GTF3C5: variants seen among roughly 807,000 people sequenced by gnomAD.
GTF3C5 encodes the protein general transcription factor IIIC subunit 5.
GTF3C5 carries 47 observed loss-of-function variants against 61.0 expected under a neutral mutation model. That is an observed-to-expected ratio of 0.77 (90% confidence interval 0.61 to 0.98). The LOEUF (loss-of-function observed/expected upper bound fraction) is 0.98. Ranked by LOEUF, GTF3C5 falls within the 50% of genes least tolerant of loss-of-function variation. The pLI is 0.00. For synonymous variants in GTF3C5, 295 were observed against 275.4 expected (o/e 1.07, Z -0.71); for missense variants, 659 against 703.3 (o/e 0.94, Z 0.71).
At chr9:133,033,892 G>GT (rs998296577) in intron 1 of GTF3C5, among the ~76,000 whole-genome samples, 4 of 152,126 alleles carry the variant, frequency 2.6e-5, no homozygotes, top group Non-Finnish European at 5.9e-5. Context: ...TGGCTGGGTC[G>GT]TTGTGGAGAC....
At chr9:133,034,226 G>A (rs1422804257) in intron 1 of GTF3C5, among the ~76,000 whole-genome samples, 1 of 152,190 alleles carries the variant, frequency 6.6e-6, no homozygotes, top group Non-Finnish European at 1.5e-5. Context: ...AAGGAGGGGG[G>A]TTGGCTGTCC....
At chr9:133,040,896 T>C (rs1358569392) in intron 1 of GTF3C5, among the ~76,000 whole-genome samples, 2 of 152,254 alleles carry the variant, frequency 1.3e-5, no homozygotes, top group Non-Finnish European at 2.9e-5. Flanking sequence ...CATGATTATA[T>C]ATGAATATCA....
intron 3 of GTF3C5, among the ~76,000 whole-genome samples, chr9:133,046,151 C>T (rs1271190955): frequency 6.6e-6 from 1 of 152,064 alleles, no homozygotes; most frequent in Non-Finnish European, 1.5e-5. Context: ...TATAGCAAGA[C>T]TCTGTCTCTA....
chr9:133,057,445 G>A (rs2079218744), intron 10 of GTF3C5, among the ~76,000 whole-genome samples: 1 of 152,194 alleles, frequency 6.6e-6, no homozygotes, highest in Non-Finnish European at 1.5e-5. Flanking sequence ...AGGCATCCTG[G>A]ACCCAGCCAC....
chr9:133,045,544 T>TG (rs766902043), intron 3 of GTF3C5, among the ~76,000 whole-genome samples: 4 of 152,318 alleles, frequency 2.6e-5, no homozygotes, highest in Non-Finnish European at 4.4e-5. Flanking sequence ...GAGCCTGGCC[T>TG]GTGAGAGGTA....
chr9:133,055,311 C>T (rs1006851197), intron 8 of GTF3C5: 3 of 1,384,464 alleles, frequency 2.2e-6, no homozygotes, highest in Non-Finnish European at 1.9e-6. Flanking sequence ...CTGGGGGAGG[C>T]CGAGAAGGGG....
chr9:133,056,269 G>A (rs936745751), intron 9 of GTF3C5, among the ~76,000 whole-genome samples, 175 bp downstream of exon 9: 3 of 152,300 alleles, frequency 2.0e-5, no homozygotes. Flanking sequence ...CGTAGAGGCG[G>A]TGCCCTATAG....
chr9:133,031,311 C>G, intron 1 of GTF3C5, 147 bp downstream of exon 1: 1 of 646,738 alleles, frequency 1.5e-6, no homozygotes, highest in Non-Finnish European at 2.6e-6. Flanking sequence ...GCAAGAGAGC[C>G]AACAGAACAA....
At chr9:133,041,892 AT>A (rs2118992465) in intron 1 of GTF3C5, among the ~76,000 whole-genome samples, 194 bp from the exon 2 acceptor site, 1 of 152,262 alleles carries the variant, frequency 6.6e-6, no homozygotes, top group East Asian at 1.9e-4. Context: ...GACGATTCTC[AT>A]TTTTTCCACC....
At chr9:133,032,717 T>TA (rs1849765012) in intron 1 of GTF3C5, among the ~76,000 whole-genome samples, 1 of 152,178 alleles carries the variant, frequency 6.6e-6, no homozygotes, top group African/African-American at 2.4e-5. Flanking sequence ...CAGGGTATGA[T>TA]ACAACATCCT....
At chr9:133,040,140 T>C (rs1849994991) in intron 1 of GTF3C5, among the ~76,000 whole-genome samples, 1 of 152,206 alleles carries the variant, frequency 6.6e-6, no homozygotes, top group Non-Finnish European at 1.5e-5. Flanking sequence ...TCATTCACTC[T>C]TCTCATGTTT....
At chr9:133,039,309 A>G (rs938219890) in intron 1 of GTF3C5, among the ~76,000 whole-genome samples, 3 of 152,024 alleles carry the variant, frequency 2.0e-5, no homozygotes, top group Admixed American at 1.3e-4. Context: ...AGAAAAAAGG[A>G]AAAAAAAATT....
intron 1 of GTF3C5, among the ~76,000 whole-genome samples, chr9:133,038,353 C>G (rs55776231): frequency 0.063 from 9,545 of 151,898 alleles, 460 homozygotes; most frequent in African/African-American, 0.14. Context: ...ACTCTGGGTG[C>G]CCAATGGGCA....
chr9:133,041,671 A>G (rs543007799), intron 1 of GTF3C5, among the ~76,000 whole-genome samples: 22 of 152,194 alleles, frequency 1.4e-4, no homozygotes, highest in African/African-American at 5.3e-4. Context: ...CCCCGGGCCC[A>G]GCTGTCTTTT....
rs777345025 is a variant in GTF3C5, at chr9:133,042,272, C to T, written c.339C>T (p.Ile113=). ...AHSEVTFDME[I]LGIISTIYKF... ...CCGAGGTCACATTTGACATGGAGAT[C>T]CTTGGCATCATCTCCACCATTTACA... Residue 113 remains isoleucine, a synonymous_variant, in exon 2 of 11, where the codon ATC becomes ATT. Coordinates refer to ENST00000372097, the MANE Select transcript of GTF3C5 (RefSeq NM_012087.4). 23 of 1,610,304 alleles carry T rather than the reference C, an allele frequency of 1.4e-5. No homozygotes were observed. In the East Asian group the frequency reaches 4.2e-4, roughly 30 times the overall value.
intron 3 of GTF3C5, 61 bp from the exon 4 acceptor site, chr9:133,050,722 C>A: frequency 7.7e-7 from 1 of 1,304,944 alleles, no homozygotes. Flanking sequence ...CCTGGTCTGG[C>A]CCAGCGGGTG....
intron 1 of GTF3C5, among the ~76,000 whole-genome samples, chr9:133,034,449 G>A (rs915206885): frequency 1.1e-4 from 17 of 152,158 alleles, no homozygotes; most frequent in African/African-American, 4.1e-4. Flanking sequence ...TCACATTGAT[G>A]ACAAGATGAC....
At chr9:133,032,993 A>G (rs1434575817) in intron 1 of GTF3C5, among the ~76,000 whole-genome samples, 1 of 152,156 alleles carries the variant, frequency 6.6e-6, no homozygotes, top group Non-Finnish European at 1.5e-5. Flanking sequence ...ATCATTTCTA[A>G]TGCTATTCTA....
At chr9:133,048,492 A>G (rs1188677747) in intron 3 of GTF3C5, among the ~76,000 whole-genome samples, 6 of 151,918 alleles carry the variant, frequency 3.9e-5, no homozygotes, top group South Asian at 4.2e-4. Context: ...GTGACACCCC[A>G]TCTCAAAAAA....
Sources: allele counts gnomAD v4.1 joint callset (sites outside exome capture counted in the v4.1 genomes callset), GRCh38; gene constraint gnomAD v4.1.1; transcripts MANE v1.5; gene names NCBI Gene and HGNC (gene_info 2026-07-23, HGNC 2026-07-21).